VAT1L: variants seen among roughly 807,000 people sequenced by gnomAD.
VAT1L encodes vesicle amine transport 1 like, also known as putative NADPH-dependent quinone oxidoreductase VAT1L.
Under a neutral mutation model 44.1 loss-of-function variants are expected in VAT1L, and 34 were observed. The ratio of observed to expected loss-of-function variants is 0.77; its 90% CI spans 0.59 to 1.03. The LOEUF is 1.03. VAT1L is among the 50% of genes least tolerant of loss of function. The pLI is 0.00. For missense variants in VAT1L, 615 were observed against 538.8 expected, an observed-to-expected ratio of 1.14 and a Z score of -1.40; for synonymous variants, 253 against 202.2, an observed-to-expected ratio of 1.25 and a Z score of -2.13.
chr16:77,896,453 G>A (rs1007613750), intron 7 of VAT1L, among the ~76,000 whole-genome samples: 2 of 152,208 alleles, frequency 1.3e-5, no homozygotes, highest in African/African-American at 2.4e-5. Context: ...TATTTAGAGG[G>A]ATTAAATGAC....
At position 77,937,487 on chromosome 16, in the gene VAT1L, C is replaced by CG. The variant is rs1221730210; in HGVS notation, c.1078-34363_1078-34362insG. On this transcript the variant is annotated intron_variant, in intron 7 of 8. Transcript: ENST00000302536. ...CTTGACAGTTACCCAAGAGACTTTC[C>CG]CCCACTACCTCCCTTTGTGGCCGAG... Among the ~76,000 whole-genome samples, 14 of 152,252 alleles carry CG rather than the reference C, an allele frequency of 9.2e-5. No individual in the cohort carries two copies. In the East Asian group the frequency reaches 2.7e-3, roughly 29 times the overall value.
intron 1 of VAT1L, among the ~76,000 whole-genome samples, chr16:77,799,307 T>C (rs1176564016): frequency 6.7e-6 from 1 of 149,618 alleles, no homozygotes; most frequent in Non-Finnish European, 1.5e-5. Context: ...CTTCCCTTCT[T>C]TTCCCTCCGT....
intron 7 of VAT1L, among the ~76,000 whole-genome samples, chr16:77,923,400 A>G (rs908836366): frequency 6.6e-6 from 1 of 152,208 alleles, no homozygotes; most frequent in Non-Finnish European, 1.5e-5. Context: ...CAGTGAGCCA[A>G]GATCATGCCA....
Position 77,788,691 on chromosome 16 carries a change from G to A in VAT1L, c.9G>A (p.Lys3=), listed in dbSNP as rs2015771760. MA[K]EGVEKAEETE... ...CCGCGCCCTCGAGCGCCATGGCCAA[G>A]GAAGGCGTGGAGAAGGCGGAGGAGA... The change falls in exon 1 of 9, where the codon AAG becomes AAA. Residue 3 remains lysine, a synonymous_variant. Coordinates refer to ENST00000302536, the MANE Select transcript of VAT1L (RefSeq NM_020927.3). The A allele has an allele frequency of 1.4e-5, 21 of 1,550,488 alleles. No homozygotes were observed. The highest frequency in any genetic ancestry group is 1.7e-5 in the Non-Finnish European group (19 of 1,146,890).
At chr16:77,946,528 C>T (rs534771064) in intron 7 of VAT1L, among the ~76,000 whole-genome samples, 3 of 151,992 alleles carry the variant, frequency 2.0e-5, no homozygotes, top group South Asian at 2.1e-4. Flanking sequence ...GTGATCTGCC[C>T]GCCTCAGCCT....
chr16:77,966,931 TTAAAAAA>T (rs1567525155), intron 7 of VAT1L, among the ~76,000 whole-genome samples: 1 of 44,098 alleles, frequency 2.3e-5, no homozygotes. Flanking sequence ...GTAGAGTACT[TTAAAAAA>T]AAAAAAAAAA....
At chr16:77,962,970 A>G (rs1268024082) in intron 7 of VAT1L, among the ~76,000 whole-genome samples, 4 of 151,900 alleles carry the variant, frequency 2.6e-5, no homozygotes, top group African/African-American at 4.8e-5. Context: ...AAAAGAAACA[A>G]TCTTAGGGTT....
intron 1 of VAT1L, among the ~76,000 whole-genome samples, chr16:77,810,263 C>G (rs2016241883): frequency 6.6e-6 from 1 of 152,126 alleles, no homozygotes; most frequent in South Asian, 2.1e-4. Flanking sequence ...CCCAGATCAG[C>G]AGCATCAGCA....
Position 77,830,904 on chromosome 16 carries a change from G to T in VAT1L, c.579+5443G>T, listed in dbSNP as rs780708192. Among the ~76,000 whole-genome samples the T allele has an allele frequency of 2.6e-5, 4 of 152,240 alleles. No homozygotes were observed. The East Asian group carries it at 7.7e-4, about 29-fold the overall frequency. Reference sequence around the variant, plus strand: ...TCACCACGTTGGCGAGGCTGTTCTCGAACTCCTGATCTCAGGTGATCTGCC... The same window carrying T: ...TCACCACGTTGGCGAGGCTGTTCTCTAACTCCTGATCTCAGGTGATCTGCC... On this transcript the variant is annotated intron_variant, in intron 3 of 8. Transcript: ENST00000302536.
intron 7 of VAT1L, among the ~76,000 whole-genome samples, chr16:77,958,603 T>C (rs2018128948): frequency 6.6e-6 from 1 of 152,186 alleles, no homozygotes; most frequent in Admixed American, 6.5e-5. Context: ...CTGCTTTAGT[T>C]CAAAACACAA....
Position 77,788,643 on chromosome 16 carries a change from G to T in VAT1L, c.-40G>T, listed in dbSNP as rs745550550. On this transcript the variant is annotated 5_prime_UTR_variant, in exon 1 of 9. Transcript: ENST00000302536. ...CCACTCCCCCAGCGCCGCAGCCACCGCAGCCACCGCAGCCCGTGCGCCCCG... is the reference window on the plus strand; with the variant it reads ...CCACTCCCCCAGCGCCGCAGCCACCTCAGCCACCGCAGCCCGTGCGCCCCG... The T allele has an allele frequency of 6.5e-7, 1 of 1,542,538 alleles. No homozygotes were observed. Among genetic ancestry groups the T allele is most frequent in the Non-Finnish European group, 8.7e-7 (1 of 1,143,566 alleles).
At chr16:77,824,862 CTTTTTTTTTTTT>C (rs756573336) in intron 2 of VAT1L, among the ~76,000 whole-genome samples, 3 of 75,464 alleles carry the variant, frequency 4.0e-5, no homozygotes, top group Non-Finnish European at 7.2e-5. Flanking sequence ...CCCAATAATG[CTTTTTTTTTTTT>C]TTTTTTTTTG....
chr16:77,796,982 G>T (rs960477458), intron 1 of VAT1L, among the ~76,000 whole-genome samples: 1 of 152,296 alleles, frequency 6.6e-6, no homozygotes, highest in Admixed American at 6.5e-5. Context: ...AGGTGTGAGG[G>T]TGGGAGGAAG....
intron 1 of VAT1L, among the ~76,000 whole-genome samples, chr16:77,807,583 C>A (rs1175733821): frequency 6.6e-6 from 1 of 152,180 alleles, no homozygotes; most frequent in Non-Finnish European, 1.5e-5. Flanking sequence ...TTTTAGAACA[C>A]TCCCTATCAG....
intron 1 of VAT1L, among the ~76,000 whole-genome samples, chr16:77,803,141 T>C (rs373489645): frequency 1.3e-5 from 2 of 152,322 alleles, no homozygotes. Flanking sequence ...CTAAAGTTGC[T>C]CATAGTCTAC....
At position 77,816,211 on chromosome 16, in the gene VAT1L, T is replaced by C. The variant is rs1444455697; in HGVS notation, c.234-710T>C. Among the ~76,000 whole-genome samples, 3 of 152,184 alleles carry C rather than the reference T, an allele frequency of 2.0e-5. No homozygotes were observed. The East Asian group carries it at 5.8e-4, about 29-fold the overall frequency. On this transcript the variant is annotated intron_variant, in intron 1 of 8. Transcript: ENST00000302536. The stretch of plus-strand genomic sequence containing the variant: ...TAACTTTCTTATTCCAAAAGTAATG[T>C]GTTAATCAAAAATATCTAATAATAT...
chr16:77,854,798 T>C lies in VAT1L; in HGVS notation c.580-7950T>C, dbSNP rs2016841470. Among the ~76,000 whole-genome samples the C allele has an allele frequency of 2.0e-5, 3 of 152,292 alleles. No homozygotes were observed. In the South Asian group the frequency reaches 6.2e-4, roughly 32 times the overall value. On this transcript the variant is annotated intron_variant, in intron 3 of 8. Transcript: ENST00000302536. The stretch of plus-strand genomic sequence containing the variant: ...AATGATCTGTGGTTTTCATGAGCTG[T>C]TTAACAGTGAAAACAACTTTTAGAA...
At chr16:77,819,728 C>T (rs767332865) in intron 2 of VAT1L, among the ~76,000 whole-genome samples, 2 of 152,172 alleles carry the variant, frequency 1.3e-5, no homozygotes, top group African/African-American at 2.4e-5. Context: ...TCACCCCTTC[C>T]GGGGATTGGG....
intron 1 of VAT1L, among the ~76,000 whole-genome samples, chr16:77,807,999 G>A (rs2016194223): frequency 6.6e-6 from 1 of 151,980 alleles, no homozygotes; most frequent in Non-Finnish European, 1.5e-5. Context: ...GTGGCTATAT[G>A]AGCACTTTGC....
Sources: gnomAD v4.1 joint callset for allele counts (sites outside exome capture counted in the v4.1 genomes callset) on GRCh38, gnomAD v4.1.1 for gene constraint, MANE v1.5 for transcripts, NCBI Gene and HGNC (gene_info 2026-07-23, HGNC 2026-07-21) for gene names.